CMTM1: variants seen among roughly 807,000 people sequenced by gnomAD.
The protein encoded by CMTM1 is CKLF-like MARVEL transmembrane domain-containing protein 1.
Under a neutral mutation model 17.8 loss-of-function variants are expected in CMTM1, and 16 were observed. The observed-to-expected ratio is 0.90, with a 90% CI of 0.61 to 1.37. The LOEUF is 1.37. Among genes scored for constraint, CMTM1 ranks in the 40% most tolerant of loss-of-function variants. CMTM1 has a pLI of 0.00. For synonymous variants in CMTM1, 169 were observed against 154.6 expected, an observed-to-expected ratio of 1.09 and a Z score of -0.69; for missense variants, 354 against 375.6, an observed-to-expected ratio of 0.94 and a Z score of 0.47.
chr16:66,570,810 A>G (rs28399283), intron 2 of CMTM1, among the ~76,000 whole-genome samples: 7,809 of 152,284 alleles, frequency 0.051, 329 homozygotes, highest in East Asian at 0.12. Flanking sequence ...AAGGAAAAGT[A>G]TGATAATAAC....
chr16:66,567,982 C>G (rs1335182958), intron 1 of CMTM1, among the ~76,000 whole-genome samples: 1 of 152,134 alleles, frequency 6.6e-6, no homozygotes, highest in Non-Finnish European at 1.5e-5. Context: ...ATGTATCAGG[C>G]CCAGACCTTT....
At chr16:66,577,283 C>A in intron 3 of CMTM1, 81 bp downstream of exon 3, 2 of 1,175,854 alleles carry the variant, frequency 1.7e-6, no homozygotes, top group Non-Finnish European at 2.5e-6. Context: ...CCCATTATAT[C>A]ATTAACCAAG....
chr16:66,579,027 C>A lies in CMTM1; in HGVS notation c.*26C>A. 6.2e-7 allele frequency: 1 copy of A among 1,608,528 alleles called. No homozygotes were observed. The highest frequency in any genetic ancestry group is 8.5e-7 in the Non-Finnish European group (1 of 1,178,146). The stretch of plus-strand genomic sequence containing the variant: ...AGCCAGCCCGGCGCCCTAGCAGATG[C>A]ACGTGTCTGTCGAATCGCTGCCTCC... On this transcript the variant is annotated 3_prime_UTR_variant, in exon 4 of 4. Coordinates refer to ENST00000379500, the MANE Select transcript of CMTM1 (RefSeq NM_052999.4). The surrounding 1 kb of genome is among the most constrained non-coding windows in gnomAD (Gnocchi z 6.5).
chr16:66,578,162 G>A (rs960311957), intron 3 of CMTM1, among the ~76,000 whole-genome samples: 9 of 152,164 alleles, frequency 5.9e-5, no homozygotes, highest in African/African-American at 1.4e-4. Context: ...GGCTGACTCC[G>A]CTATCACTCC....
At chr16:66,567,693 TA>T (rs1348496880) in intron 1 of CMTM1, among the ~76,000 whole-genome samples, 2 of 152,200 alleles carry the variant, frequency 1.3e-5, no homozygotes, top group East Asian at 3.9e-4. Context: ...AAAGTCCTAT[TA>T]AATTGATAAG....
intron 3 of CMTM1, among the ~76,000 whole-genome samples, chr16:66,578,073 T>C (rs773444114): frequency 6.6e-6 from 1 of 152,062 alleles, no homozygotes; most frequent in Non-Finnish European, 1.5e-5. Flanking sequence ...TAAGTGACCA[T>C]AAAGAGAAAC....
chr16:66,569,394 A>G (rs2013142073), intron 1 of CMTM1, among the ~76,000 whole-genome samples: 1 of 152,212 alleles, frequency 6.6e-6, no homozygotes, highest in African/African-American at 2.4e-5. Flanking sequence ...TATAGAGTGA[A>G]TTGTCTATAA....
At chr16:66,577,474 C>G (rs2014386446) in intron 3 of CMTM1, among the ~76,000 whole-genome samples, 1 of 152,132 alleles carries the variant, frequency 6.6e-6, no homozygotes, top group African/African-American at 2.4e-5. Flanking sequence ...AAATGTTAAG[C>G]AAGATCTTTT....
intron 1 of CMTM1, 135 bp from the exon 2 acceptor site, chr16:66,569,801 A>G (rs1303877810): frequency 1.7e-5 from 10 of 590,686 alleles, no homozygotes; most frequent in African/African-American, 1.9e-5. Context: ...CATTTCTTCA[A>G]AATGTAAGAA....
intron 2 of CMTM1, among the ~76,000 whole-genome samples, chr16:66,570,899 T>C (rs1423770470): frequency 6.6e-6 from 1 of 152,224 alleles, no homozygotes; most frequent in Non-Finnish European, 1.5e-5. Flanking sequence ...AATATTCTAA[T>C]GTCCAAAAAG....
intron 1 of CMTM1, 93 bp from the exon 2 acceptor site, chr16:66,569,843 G>C (rs1377178750): frequency 2.4e-6 from 2 of 829,748 alleles, no homozygotes; most frequent in Non-Finnish European, 3.7e-6. Flanking sequence ...AACAATACAG[G>C]CCACTGTACT....
At chr16:66,570,966 C>G (rs369686293) in intron 2 of CMTM1, among the ~76,000 whole-genome samples, 2 of 152,202 alleles carry the variant, frequency 1.3e-5, no homozygotes, top group Non-Finnish European at 2.9e-5. Flanking sequence ...TTCTGTCTTG[C>G]GCTGTGAACA....
Position 66,578,892 on chromosome 16 carries a change from T to C in CMTM1, c.752T>C (p.Met251Thr), listed in dbSNP as rs1338366497. Residue 251 changes from methionine (M) to threonine (T), a missense_variant, in exon 4 of 4, where the codon ATG (methionine) becomes ACG (threonine). Physicochemically the swap from Met to Thr is moderately conservative, Grantham distance 81. Transcript: ENST00000379500. ...GATGCGTTTGTGGTCACCACGAAGA[T>C]GAGGACCAACTTGAAAAGATTCCTG... is the stretch of plus-strand genomic sequence containing the variant. ...CIDAFVVTTK[M>T]RTNLKRFLGV... is the part of the protein sequence containing the mutation. 4 of 1,614,186 alleles carry C rather than the reference T, an allele frequency of 2.5e-6. No homozygotes were observed. Among genetic ancestry groups the C allele is most frequent in the Non-Finnish European group, 2.5e-6 (3 of 1,180,052 alleles).
At position 66,579,123 on chromosome 16, in the gene CMTM1, C is replaced by A; in HGVS notation, c.*122C>A. ...TGTGACCATAAAATTAGGGCTGCTGCTTTTATCGAGAACACCTGCTTCCTC... is the reference window on the plus strand; with the variant it reads ...TGTGACCATAAAATTAGGGCTGCTGATTTTATCGAGAACACCTGCTTCCTC... On this transcript the variant is annotated 3_prime_UTR_variant, in exon 4 of 4. Coordinates refer to ENST00000379500, the MANE Select transcript of CMTM1 (RefSeq NM_052999.4). This position sits in a 1 kb window ranked among gnomAD's most constrained non-coding sequence, Gnocchi z 6.5. The A allele has an allele frequency of 1.5e-6, 2 of 1,321,614 alleles. No homozygotes were observed. The highest frequency in any genetic ancestry group is 2.0e-6 in the Non-Finnish European group (2 of 988,106). The allele number at this position is 1,321,614 out of a possible 1,614,324, so 81.9% of individuals were successfully genotyped here. A position where few individuals can be genotyped will look rare whatever the true frequency, so the allele number is the denominator to read the frequency against.
At chr16:66,567,794 A>G (rs1444551646) in intron 1 of CMTM1, among the ~76,000 whole-genome samples, 6 of 152,252 alleles carry the variant, frequency 3.9e-5, no homozygotes, top group Non-Finnish European at 8.8e-5. Flanking sequence ...AACATCAGCA[A>G]AACTGAAAGG....
At chr16:66,578,722 G>A in intron 3 of CMTM1, 109 bp from the exon 4 acceptor site, 1 of 1,465,354 alleles carries the variant, frequency 6.8e-7, no homozygotes, top group Non-Finnish European at 9.3e-7. Context: ...AGAGGGGACA[G>A]GAGGCCACCC....
At chr16:66,572,284 T>C (rs1237509631) in intron 2 of CMTM1, among the ~76,000 whole-genome samples, 1 of 152,206 alleles carries the variant, frequency 6.6e-6, no homozygotes, top group East Asian at 1.9e-4. Context: ...TGGTAAGTGA[T>C]TTAATTAACT....
intron 2 of CMTM1, 151 bp downstream of exon 2, chr16:66,570,245 A>G (rs2013300000): frequency 3.2e-6 from 2 of 631,232 alleles, no homozygotes; most frequent in Non-Finnish European, 2.6e-6. Context: ...GTCCAGAAGG[A>G]TTCCTTGAAC....
At chr16:66,577,313 C>A in intron 3 of CMTM1, 111 bp downstream of exon 3, 2 of 756,834 alleles carry the variant, frequency 2.6e-6, no homozygotes, top group South Asian at 1.8e-5. Context: ...CACTGCCACC[C>A]ACTCTCCTTC....
Sources: gnomAD v4.1 joint callset for allele counts (sites outside exome capture counted in the v4.1 genomes callset) on GRCh38, gnomAD v4.1.1 for gene constraint, Gnocchi (gnomAD v3.1) non-coding constraint, MANE v1.5 for transcripts, NCBI Gene and HGNC (gene_info 2026-07-23, HGNC 2026-07-21) for gene names.